KNG1: variants seen among roughly 807,000 people sequenced by gnomAD.
KNG1 encodes the protein kininogen 1.
Under a neutral mutation model 47.8 loss-of-function variants are expected in KNG1, and 23 were observed. That is an observed-to-expected ratio of 0.48 (90% CI 0.35 to 0.68). The LOEUF (loss-of-function observed/expected upper bound fraction) is 0.68. KNG1 is among the 30% of genes least tolerant of loss of function. The pLI, the probability that KNG1 is intolerant of heterozygous loss-of-function variation, is 0.01. For synonymous variants in KNG1, 277 were observed against 277.0 expected, an observed-to-expected ratio of 1.00 and a Z score of 0.00; for missense variants, 762 against 790.2, an observed-to-expected ratio of 0.96 and a Z score of 0.43.
chr3:186,739,246 C>G, intron 8 of KNG1, 40 bp downstream of exon 8: 1 of 1,585,640 alleles, frequency 6.3e-7, no homozygotes, highest in South Asian at 1.1e-5. Flanking sequence ...CACTGGAAGC[C>G]TATTTGATGT....
chr3:186,730,725 C>CATATATATAT (rs1720505877), intron 5 of KNG1, among the ~76,000 whole-genome samples: 2 of 45,886 alleles, frequency 4.4e-5, no homozygotes, highest in Admixed American at 2.1e-4. Context: ...TACACACACA[C>CATATATATAT]ACACATATAT....
Position 186,741,788 on chromosome 3 carries a change from A to C in KNG1, c.1392A>C (p.Gly464=), listed in dbSNP as rs757907645. 1 of 1,613,888 alleles carries C rather than the reference A, an allele frequency of 6.2e-7. No homozygotes were observed. The highest frequency in any genetic ancestry group is 1.7e-5 in the Admixed American group (1 of 59,940). The change falls in exon 10 of 10, where the codon GGA becomes GGC. Residue 464 remains glycine, a synonymous_variant. Coordinates refer to ENST00000644859, the MANE Select transcript of KNG1 (RefSeq NM_001102416.3). ...AAAGAGGACATGGCCTTGGCCATGG[A>C]CACGAACAACAGCATGGTCTTGGTC... ...GHQRGHGLGH[G]HEQQHGLGHG...
Position 186,742,258 on chromosome 3 carries a change from CAGTT to C in KNG1, c.1866_1869del (p.Ser623LysfsTer8), listed in dbSNP as rs559129841. On this transcript the variant is annotated frameshift_variant, in exon 10 of 10. Transcript: ENST00000644859. LOFTEE classifies it low-confidence loss of function (END_TRUNC). Reference sequence around the variant, plus strand: ...AAATGTCCTGGACGCCCCTGGAAGTCAGTTAGTGAAATTAATCCAACCACACAAA... The same window carrying C: ...AAATGTCCTGGACGCCCCTGGAAGTCAGTGAAATTAATCCAACCACACAAA... 1.6e-4 allele frequency: 263 copies of C among 1,614,162 alleles called. No individual in the cohort carries two copies. In the East Asian group the frequency reaches 4.1e-3, roughly 25 times the overall value.
intron 3 of KNG1, among the ~76,000 whole-genome samples, chr3:186,724,041 CTGGGAG>C (rs1408548770): frequency 6.6e-6 from 1 of 152,144 alleles, no homozygotes; most frequent in Non-Finnish European, 1.5e-5. Context: ...TGCAACAAAC[CTGGGAG>C]TGGAAGTACC....
chr3:186,732,894 G>A (rs1046132756), intron 7 of KNG1, among the ~76,000 whole-genome samples: 1 of 152,120 alleles, frequency 6.6e-6, no homozygotes, highest in Non-Finnish European at 1.5e-5. Context: ...AAGGACTGAG[G>A]TGAGGATCAA....
rs35578318 is a variant in KNG1, at chr3:186,739,533, G to A, written c.1125+119G>A. The A allele has an allele frequency of 2.0e-4, 146 of 746,136 alleles. No individual in the cohort carries two copies. The African/African-American group carries it at 2.4e-3, about 12-fold the overall frequency. 46.2% of individuals were successfully genotyped at this position (746,136 alleles called of 1,614,324 possible). A position where few individuals can be genotyped will look rare whatever the true frequency, so the allele number is the denominator to read the frequency against. ...TGGGGAGCTATCTTTTTTAAATGGGGAGTAACTCTCACACTTCTGTGCTGA... is the reference window on the plus strand; with the variant it reads ...TGGGGAGCTATCTTTTTTAAATGGGAAGTAACTCTCACACTTCTGTGCTGA... On this transcript the variant is annotated intron_variant, in intron 9 of 9. Transcript: ENST00000644859.
At chr3:186,726,974 A>G (rs1272891802) in intron 4 of KNG1, among the ~76,000 whole-genome samples, 1 of 152,112 alleles carries the variant, frequency 6.6e-6, no homozygotes, top group Non-Finnish European at 1.5e-5. Flanking sequence ...GCTGAAAAAT[A>G]GAAAAATATA....
At chr3:186,737,715 T>G (rs187150889) in intron 7 of KNG1, among the ~76,000 whole-genome samples, 1 of 151,924 alleles carries the variant, frequency 6.6e-6, no homozygotes, top group Non-Finnish European at 1.5e-5. Flanking sequence ...TGCAACCATG[T>G]CCGGCTAATT....
chr3:186,725,384 T>G, intron 4 of KNG1, 124 bp downstream of exon 4: 4 of 925,902 alleles, frequency 4.3e-6, no homozygotes, highest in Non-Finnish European at 5.2e-6. Flanking sequence ...CGAAGAGCTT[T>G]CTCCTTAGTC....
Position 186,742,149 on chromosome 3 carries a change from G to A in KNG1, c.1753G>A (p.Asp585Asn), listed in dbSNP as rs1450516408. The A allele has an allele frequency of 1.9e-6, 3 of 1,614,040 alleles. No individual in the cohort carries two copies. The African/African-American group carries it at 4.0e-5, about 22-fold the overall frequency. ...ATCACCAGCTCCCATACAGAGTGAT[G>A]ACGATTGGATCCCTGATATCCAGAT... Reference protein sequence around the residue: ...PISPAPIQSDDDWIPDIQIDP... With the variant: ...PISPAPIQSDNDWIPDIQIDP... Residue 585 changes from aspartate (D) to asparagine (N), a missense_variant, in exon 10 of 10, where the codon GAC (aspartate) becomes AAC (asparagine). Physicochemically the swap from Asp to Asn is conservative, Grantham distance 23. Coordinates refer to ENST00000644859, the MANE Select transcript of KNG1 (RefSeq NM_001102416.3).
chr3:186,735,272 GCCCAGGAGCGAGA>G (rs1720641457), intron 7 of KNG1, among the ~76,000 whole-genome samples: 1 of 152,060 alleles, frequency 6.6e-6, no homozygotes, highest in East Asian at 1.9e-4. Context: ...GATCACTTGA[GCCCAGGAGCGAGA>G]CCAGCTGGAG....
intron 7 of KNG1, 45 bp from the exon 8 acceptor site, chr3:186,739,054 T>C (rs1381990247): frequency 7.1e-7 from 1 of 1,404,904 alleles, no homozygotes; most frequent in Admixed American, 1.7e-5. Context: ...TGATTTATTA[T>C]GCAAATATTT....
At chr3:186,723,612 G>A (rs979639836) in intron 3 of KNG1, among the ~76,000 whole-genome samples, 6 of 151,892 alleles carry the variant, frequency 4.0e-5, no homozygotes, top group Non-Finnish European at 7.4e-5. Context: ...CTTTGTTTAC[G>A]GCCAAATACT....
At position 186,717,771 on chromosome 3, in the gene KNG1, G is replaced by C. The variant is rs758376703; in HGVS notation, c.195+34G>C. On this transcript the variant is annotated intron_variant, in intron 1 of 9. Coordinates refer to ENST00000644859, the MANE Select transcript of KNG1 (RefSeq NM_001102416.3). ...ATTGTGTTTAACCTTGAAGTCACTT[G>C]GGATTTGTACTATCACTAGGAGTCC... The C allele has an allele frequency of 3.3e-6, 5 of 1,535,400 alleles. No individual in the cohort carries two copies. In the South Asian group the frequency reaches 4.5e-5, roughly 14 times the overall value.
chr3:186,732,711 G>A, intron 7 of KNG1, 37 bp downstream of exon 7: 4 of 1,551,900 alleles, frequency 2.6e-6, no homozygotes, highest in Non-Finnish European at 3.6e-6. Context: ...TAACACTATA[G>A]TCTATGTGCA....
intron 4 of KNG1, 93 bp from the exon 5 acceptor site, chr3:186,727,144 C>A: frequency 3.4e-6 from 3 of 876,916 alleles, no homozygotes; most frequent in South Asian, 1.4e-5. Context: ...TATTATATTG[C>A]CACACTGTTT....
intron 5 of KNG1, among the ~76,000 whole-genome samples, chr3:186,729,202 A>G (rs754081283): frequency 5.3e-5 from 8 of 152,258 alleles, no homozygotes; most frequent in Non-Finnish European, 1.2e-4. Context: ...TGGAGAAATT[A>G]GAACTTTTGT....
chr3:186,737,129 T>C (rs1720690172), intron 7 of KNG1, among the ~76,000 whole-genome samples: 1 of 152,248 alleles, frequency 6.6e-6, no homozygotes, highest in South Asian at 2.1e-4. Context: ...TTGATTCCTA[T>C]GCCTGGCCAA....
At position 186,717,691 on chromosome 3, in the gene KNG1, G is replaced by C; in HGVS notation, c.149G>C (p.Ser50Thr). The C allele has an allele frequency of 6.2e-7, 1 of 1,613,092 alleles. No individual in the cohort carries two copies. Among genetic ancestry groups the C allele is most frequent in the Non-Finnish European group, 8.5e-7 (1 of 1,179,888 alleles). ...AAGAAATATAACAGTCAAAACCAAA[G>C]TAACAACCAGTTTGTATTGTACCGC... ...ALKKYNSQNQ[S>T]NNQFVLYRIT... Residue 50 changes from serine (S) to threonine (T), a missense_variant, in exon 1 of 10, where the codon AGT becomes ACT. Physicochemically the swap from Ser to Thr is moderately conservative, Grantham distance 58. Coordinates refer to ENST00000644859, the MANE Select transcript of KNG1 (RefSeq NM_001102416.3).
Sources: allele counts gnomAD v4.1 joint callset (sites outside exome capture counted in the v4.1 genomes callset), GRCh38; gene constraint gnomAD v4.1.1; transcripts MANE v1.5; gene names NCBI Gene and HGNC (gene_info 2026-07-23, HGNC 2026-07-21).